C2orf74: variants seen among roughly 807,000 people sequenced by gnomAD.
The protein encoded by C2orf74 is uncharacterized protein C2orf74.
Under a neutral mutation model 17.9 loss-of-function variants are expected in C2orf74, and 14 were observed. The ratio of observed to expected loss-of-function variants is 0.78; its 90% CI spans 0.52 to 1.22. C2orf74 has a LOEUF of 1.22. C2orf74 is among the 50% of genes most tolerant of loss of function. The pLI is 0.00. For missense variants in C2orf74, 217 were observed against 218.4 expected (o/e 0.99, Z 0.04); for synonymous variants, 79 against 72.6 (o/e 1.09, Z -0.44).
chr2:61,149,653 A>G (rs377157620), intron 1 of C2orf74, among the ~76,000 whole-genome samples: 2 of 139,436 alleles, frequency 1.4e-5, no homozygotes, highest in African/African-American at 5.5e-5. Context: ...ATCTTGGCTC[A>G]CTGCAACTTA....
chr2:61,148,406 C>T (rs535419209), intron 1 of C2orf74, among the ~76,000 whole-genome samples: 3 of 152,026 alleles, frequency 2.0e-5, no homozygotes, highest in South Asian at 4.1e-4. Context: ...AGGCTGGTCT[C>T]GAAATCCTGA....
chr2:61,148,420 C>T (rs1685132723), intron 1 of C2orf74, among the ~76,000 whole-genome samples: 1 of 152,036 alleles, frequency 6.6e-6, no homozygotes. Flanking sequence ...ATCCTGACCT[C>T]AGGTGATCTA....
chr2:61,154,795 C>A lies in C2orf74; in HGVS notation c.-121-8047C>A, dbSNP rs1685345285. Among the ~76,000 whole-genome samples, 5 of 152,238 alleles carry A rather than the reference C, an allele frequency of 3.3e-5. No homozygotes were observed. The South Asian group carries it at 1.0e-3, about 32-fold the overall frequency. On this transcript the variant is annotated intron_variant, in intron 1 of 3. Transcript: ENST00000426997. ...AAAGGCTGGGCTAGGTGGCTCATGC[C>A]TATGATCCCAGTACTTTGGGAGGCC...
upstream of C2orf74, chr2:61,158,150 T>C: frequency 2.7e-6 from 1 of 371,874 alleles, no homozygotes; most frequent in East Asian, 7.3e-5. Flanking sequence ...GGATAGTGCC[T>C]GAAATTCTAC....
intron 1 of C2orf74, chr2:61,151,880 C>G (rs150686942): frequency 5.9e-5 from 9 of 152,400 alleles, no homozygotes; most frequent in African/African-American, 2.2e-4. Flanking sequence ...CAAAGTCCAA[C>G]ACCAAATTGA....
chr2:61,162,692 A>T lies in C2orf74; in HGVS notation c.95+83A>T, dbSNP rs1019705567. The stretch of plus-strand genomic sequence containing the variant: ...TAGAAATAATGTAAAACAATTTAAA[A>T]CAGAACAAGTAATGATACCATAATT... On this transcript the variant is annotated intron_variant, in intron 2 of 4. Coordinates refer to ENST00000432605, the MANE Select transcript of C2orf74 (RefSeq NM_001143959.4). 8 of 1,097,560 alleles carry T rather than the reference A, an allele frequency of 7.3e-6. No individual in the cohort carries two copies. The South Asian group carries it at 1.1e-4, about 16-fold the overall frequency. 68.0% of individuals were successfully genotyped at this position (1,097,560 alleles called of 1,614,324 possible). A position where few individuals can be genotyped will look rare whatever the true frequency, so the allele number is the denominator to read the frequency against.
At chr2:61,157,104 C>T (rs184279284) in intron 1 of C2orf74, among the ~76,000 whole-genome samples, 24 of 152,282 alleles carry the variant, frequency 1.6e-4, no homozygotes, top group Non-Finnish European at 2.8e-4. Context: ...GGCGCGATCT[C>T]GGCTCACTGC....
rs1036933009 is a variant in C2orf74, at chr2:61,162,242, G to A, written c.-178G>A. ...TTTTGGGGTGAGGGAGGTGAGCTGC[G>A]TGATCACACATGTCCCAGCTCAGTC... On this transcript the variant is annotated 5_prime_UTR_variant, in exon 1 of 5. In the 5' UTR this introduces an upstream ATG that the reference lacks. Transcript: ENST00000432605. The A allele has an allele frequency of 2.6e-5, 12 of 452,840 alleles. No individual in the cohort carries two copies. Among genetic ancestry groups the A allele is most frequent in the African/African-American group, 1.0e-4 (5 of 50,014 alleles). 28.1% of individuals were successfully genotyped at this position (452,840 alleles called of 1,614,324 possible).
chr2:61,164,486 A>G lies in C2orf74; in HGVS notation c.523A>G (p.Thr175Ala), dbSNP rs13431847. ...IVVDLGNEYP[T>A]PRSYTREHKE... ...TGTGGATCTTGGGAATGAATACCCT[A>G]CACCTCGAAGCTATACTCGAGAACA... The change falls in exon 5 of 5, where the codon ACA becomes GCA. Residue 175 changes from threonine (T) to alanine (A), a missense_variant. Thr to Ala is a moderately conservative substitution (Grantham distance 58). Coordinates refer to ENST00000432605, the MANE Select transcript of C2orf74 (RefSeq NM_001143959.4). 1.4e-4 allele frequency: 219 copies of G among 1,550,004 alleles called. 1 individual carries two copies. The African/African-American group carries it at 2.5e-3, about 17-fold the overall frequency.
At chr2:61,160,169 T>G (rs1467387854), upstream of C2orf74, among the ~76,000 whole-genome samples, 5 of 151,974 alleles carry the variant, frequency 3.3e-5, 1 homozygote, top group Admixed American at 2.6e-4. Flanking sequence ...ATTCCTTTTT[T>G]TTTTTTGAGA....
upstream of C2orf74, among the ~76,000 whole-genome samples, chr2:61,160,966 A>G (rs1045267558): frequency 6.6e-6 from 1 of 152,218 alleles, no homozygotes; most frequent in African/African-American, 2.4e-5. Context: ...TTCTTTACTT[A>G]ATTTTCTGAG....
chr2:61,153,342 G>A (rs1181491209), intron 1 of C2orf74, among the ~76,000 whole-genome samples: 2 of 151,702 alleles, frequency 1.3e-5, no homozygotes, highest in Admixed American at 6.6e-5. Context: ...GTGCAGTGGC[G>A]CGATCTCAGC....
upstream of C2orf74, among the ~76,000 whole-genome samples, chr2:61,160,391 C>T (rs1314130698): frequency 6.6e-6 from 1 of 152,198 alleles, no homozygotes; most frequent in African/African-American, 2.4e-5. Flanking sequence ...GAACTCCCCT[C>T]AGGTGATCCA....
At chr2:61,161,040 G>T (rs975649243), upstream of C2orf74, among the ~76,000 whole-genome samples, 8 of 152,118 alleles carry the variant, frequency 5.3e-5, no homozygotes, top group Non-Finnish European at 1.5e-5. Context: ...AGTGCACAAG[G>T]TTCCAATTTC....
intron 1 of C2orf74, among the ~76,000 whole-genome samples, chr2:61,148,212 GT>G (rs1685127376): frequency 6.7e-6 from 1 of 149,246 alleles, no homozygotes; most frequent in Admixed American, 6.7e-5. Flanking sequence ...TTTAGATGGA[GT>G]TTCGCTCTTG....
At position 61,154,734 on chromosome 2, in the gene C2orf74, A is replaced by G. The variant is rs77992818; in HGVS notation, c.-121-8108A>G. ...AGCACTAGGTTACCAATCATGGGCC[A>G]TGAACATTTTTACTGTGTGCTTAAA... is the stretch of plus-strand genomic sequence containing the variant. On this transcript the variant is annotated intron_variant, in intron 1 of 3. Transcript: ENST00000426997. Among the ~76,000 whole-genome samples, 98 of 152,288 alleles carry G rather than the reference A, an allele frequency of 6.4e-4. 1 individual carries two copies. The East Asian group carries it at 0.018, about 28-fold the overall frequency.
chr2:61,162,892 C>T lies in C2orf74; in HGVS notation c.146C>T (p.Ala49Val). ...ACAAAGAAAGTGCCTTGTACAGATG[C>T]AAACGGAGGTGTAGACTGTGCAGCT... The part of the protein sequence containing the change: ...KETKKVPCTD[A>V]NGGVDCAAAK... The change falls in exon 3 of 5, where the codon GCA becomes GTA. Residue 49 changes from alanine (A) to valine (V), a missense_variant. Physicochemically the swap from Ala to Val is moderately conservative, Grantham distance 64 (BLOSUM62 0). Coordinates refer to ENST00000432605, the MANE Select transcript of C2orf74 (RefSeq NM_001143959.4). 6.4e-7 allele frequency: 1 copy of T among 1,552,468 alleles called. No homozygotes were observed. Among genetic ancestry groups the T allele is most frequent in the Non-Finnish European group, 8.7e-7 (1 of 1,147,142 alleles).
chr2:61,158,081 C>G, upstream of C2orf74: 2 of 450,930 alleles, frequency 4.4e-6, no homozygotes, highest in Admixed American at 2.4e-5. Flanking sequence ...ATGGCAGATG[C>G]CAGGAGCACA....
intron 3 of C2orf74, 23 bp downstream of exon 3, chr2:61,162,978 C>T (rs1360303568): frequency 4.5e-6 from 7 of 1,551,600 alleles, no homozygotes; most frequent in African/African-American, 2.7e-5. Flanking sequence ...CAGGATGTGG[C>T]AGAGGCCATT....
Sources: gnomAD v4.1 joint callset for allele counts (sites outside exome capture counted in the v4.1 genomes callset) on GRCh38, gnomAD v4.1.1 for gene constraint, MANE v1.5 for transcripts, NCBI Gene and HGNC (gene_info 2026-07-23, HGNC 2026-07-21) for gene names.